The following ARPC2 variants were observed in gnomAD, a reference collection of about 807,000 sequenced individuals.
ARPC2 encodes the protein actin-related protein 2/3 complex subunit 2.
ARPC2 carries 4 observed loss-of-function variants against 38.6 expected under a neutral mutation model. That is an observed-to-expected ratio of 0.10 (90% CI 0.05 to 0.24). The LOEUF is 0.24. Ranked by LOEUF, ARPC2 falls within the 10% of genes least tolerant of loss-of-function variation. The pLI is 1.00. For synonymous variants in ARPC2, 125 were observed against 140.8 expected (o/e 0.89, Z 0.79); for missense variants, 229 against 387.3 (o/e 0.59, Z 3.43).
At chr2:218,238,224 G>T (rs1476600962) in intron 5 of ARPC2, among the ~76,000 whole-genome samples, 1 of 152,116 alleles carries the variant, frequency 6.6e-6, no homozygotes, top group African/African-American at 2.4e-5. Context: ...CCATTTGCTG[G>T]CCATACTGAT....
At position 218,254,284 on chromosome 2, in the gene ARPC2, T is replaced by C. The variant is rs1032926341; in HGVS notation, c.*369T>C. The C allele has an allele frequency of 6.4e-5, 13 of 203,438 alleles. No homozygotes were observed. Among genetic ancestry groups the C allele is most frequent in the African/African-American group, 3.0e-4 (13 of 42,842 alleles). 12.6% of individuals were successfully genotyped at this position (203,438 alleles called of 1,614,324 possible). ...ACTTGTTTTCTCCTAAGTATTTGAGTTCAAAACTCCTGTATCTAAAGAAAT... is the reference window on the plus strand; with the variant it reads ...ACTTGTTTTCTCCTAAGTATTTGAGCTCAAAACTCCTGTATCTAAAGAAAT... On this transcript the variant is annotated 3_prime_UTR_variant, in exon 11 of 11. Coordinates refer to ENST00000315717, the MANE Select transcript of ARPC2 (RefSeq NM_152862.3).
chr2:218,249,689 T>A (rs1323211288), intron 9 of ARPC2, 132 bp from the exon 10 acceptor site: 13 of 895,374 alleles, frequency 1.5e-5, no homozygotes, highest in Non-Finnish European at 2.2e-5. Context: ...ACCTTCCTGC[T>A]TCCCTGCAGG....
rs74349827 is a variant in ARPC2 at position 218,249,361 on chromosome 2, C to T, written c.677-3C>T. 2.4e-3 allele frequency: 3,862 copies of T among 1,609,068 alleles called. 76 individuals carry two copies. The African/African-American group carries it at 0.042, about 18-fold the overall frequency. On this transcript the variant is annotated splice_region_variant and splice_polypyrimidine_tract_variant and intron_variant, in intron 8 of 10. Coordinates refer to ENST00000315717, the MANE Select transcript of ARPC2 (RefSeq NM_152862.3). ...ACGCCTTGTTTGTGTCTTCCGCCTTCAGTGCTGTTCCCTCGTCACACCAAT... is the reference window on the plus strand; with the variant it reads ...ACGCCTTGTTTGTGTCTTCCGCCTTTAGTGCTGTTCCCTCGTCACACCAAT...
chr2:218,224,769 A>G (rs528069975), intron 2 of ARPC2, among the ~76,000 whole-genome samples: 2 of 152,364 alleles, frequency 1.3e-5, no homozygotes, highest in East Asian at 1.9e-4. Flanking sequence ...CAGGGCTAGC[A>G]TGCTTCATAG....
chr2:218,234,173 G>C, intron 4 of ARPC2, 179 bp from the exon 5 acceptor site: 3 of 533,688 alleles, frequency 5.6e-6, no homozygotes, highest in Non-Finnish European at 9.9e-6. Context: ...TCTCAGTTTT[G>C]TGACTTGTTT....
At chr2:218,245,359 T>C (rs914863592) in intron 7 of ARPC2, 61 bp from the exon 8 acceptor site, 1 of 1,607,740 alleles carries the variant, frequency 6.2e-7, no homozygotes, top group African/African-American at 1.3e-5. Context: ...ACCCTATAGC[T>C]TGAGTTGCCA....
rs188173575 is a variant in ARPC2, at chr2:218,246,590, C to G, written c.676+1044C>G. 4.6e-5 allele frequency among the ~76,000 whole-genome samples: 7 copies of G among 152,058 alleles called. No individual in the cohort carries two copies. In the East Asian group the frequency reaches 1.4e-3, roughly 30 times the overall value. Reference sequence around the variant, plus strand: ...GCACAGTGGCTCATACCTGTAATCCCAGCACTTTGGGAGTCCGAGGTTGGT... The same window carrying G: ...GCACAGTGGCTCATACCTGTAATCCGAGCACTTTGGGAGTCCGAGGTTGGT... On this transcript the variant is annotated intron_variant, in intron 8 of 10. Transcript: ENST00000315717.
chr2:218,218,412 C>G (rs1466106998), intron 2 of ARPC2, among the ~76,000 whole-genome samples: 1 of 152,242 alleles, frequency 6.6e-6, no homozygotes, highest in Non-Finnish European at 1.5e-5. Flanking sequence ...GGCATCTTTC[C>G]AAGGCAGCCT....
At chr2:218,251,291 G>A (rs1324077965) in intron 10 of ARPC2, among the ~76,000 whole-genome samples, 6 of 152,090 alleles carry the variant, frequency 3.9e-5, no homozygotes, top group Admixed American at 2.6e-4. Flanking sequence ...AGTTCACTAC[G>A]ACCTCTGCCT....
intron 9 of ARPC2, 36 bp from the exon 10 acceptor site, chr2:218,249,785 T>C (rs373733405): frequency 5.5e-5 from 87 of 1,574,644 alleles, no homozygotes; most frequent in Non-Finnish European, 6.4e-5. Context: ...TTCTAGACCA[T>C]GACTGTGCTT....
At chr2:218,221,133 A>G (rs754569777) in intron 2 of ARPC2, among the ~76,000 whole-genome samples, 5 of 152,146 alleles carry the variant, frequency 3.3e-5, no homozygotes, top group Non-Finnish European at 7.3e-5. Flanking sequence ...CTGGAGTCCA[A>G]AATTGAGGAA....
At chr2:218,245,622 C>G (rs1402007836) in intron 8 of ARPC2, 76 bp downstream of exon 8, 8 of 1,569,398 alleles carry the variant, frequency 5.1e-6, no homozygotes, top group Non-Finnish European at 6.9e-6. Context: ...CTGCACAGAA[C>G]CTTGGTTAAC....
chr2:218,218,408 T>C (rs1203918649), intron 2 of ARPC2, among the ~76,000 whole-genome samples: 1 of 152,274 alleles, frequency 6.6e-6, no homozygotes, highest in Non-Finnish European at 1.5e-5. Context: ...TTAGGGCATC[T>C]TTCCAAGGCA....
intron 7 of ARPC2, among the ~76,000 whole-genome samples, chr2:218,244,994 G>A (rs1689996848): frequency 1.3e-5 from 2 of 152,196 alleles, no homozygotes; most frequent in African/African-American, 2.4e-5. Context: ...AGACAACTCA[G>A]CTTCTTTCAT....
rs1028406646 is a variant in ARPC2 at position 218,249,373 on chromosome 2, C to T, written c.686C>T (p.Pro229Leu). The T allele has an allele frequency of 4.3e-6, 7 of 1,612,550 alleles. No homozygotes were observed. Among genetic ancestry groups the T allele is most frequent in the African/African-American group, 1.3e-5 (1 of 74,932 alleles). The change falls in exon 9 of 11, where the codon CCT becomes CTT. Residue 229 changes from proline to leucine, a missense_variant. Pro to Leu is a moderately conservative substitution (Grantham distance 98). Transcript: ENST00000315717. The stretch of plus-strand genomic sequence containing the variant: ...TGTCTTCCGCCTTCAGTGCTGTTCC[C>T]TCGTCACACCAATGCCAGTGCTCGA... ...NIGYITFVLF[P>L]RHTNASARDN...
At chr2:218,230,438 C>T (rs931430614) in intron 4 of ARPC2, among the ~76,000 whole-genome samples, 2 of 151,394 alleles carry the variant, frequency 1.3e-5, no homozygotes, top group Non-Finnish European at 2.9e-5. Context: ...ACTACAGGCA[C>T]GTGCCACCAC....
chr2:218,234,511 A>G, intron 5 of ARPC2, 114 bp downstream of exon 5: 1 of 885,458 alleles, frequency 1.1e-6, no homozygotes, highest in South Asian at 1.7e-5. Flanking sequence ...ATATTTCTGC[A>G]TGAGCCCATT....
intron 5 of ARPC2, among the ~76,000 whole-genome samples, chr2:218,237,948 T>C (rs182492689): frequency 3.0e-4 from 45 of 152,366 alleles, no homozygotes; most frequent in Non-Finnish European, 3.8e-4. Context: ...CCTACACTTA[T>C]GTGTCATGCT....
intron 2 of ARPC2, among the ~76,000 whole-genome samples, chr2:218,220,629 T>G (rs1236573418): frequency 6.6e-6 from 1 of 152,114 alleles, no homozygotes; most frequent in Non-Finnish European, 1.5e-5. Context: ...TTTTTAATGA[T>G]TCCTCTCAGA....
Sources: gnomAD v4.1 joint callset for allele counts (sites outside exome capture counted in the v4.1 genomes callset) on GRCh38, gnomAD v4.1.1 for gene constraint, MANE v1.5 for transcripts, NCBI Gene and HGNC (gene_info 2026-07-23, HGNC 2026-07-21) for gene names.